Variants in FAP observed in about 807,000 individuals in gnomAD.
The protein encoded by FAP is prolyl endopeptidase FAP.
In FAP, 110 loss-of-function variants were observed where a neutral mutation model predicts 126.5. The ratio of observed to expected loss-of-function variants is 0.87; its 90% CI spans 0.74 to 1.02. The LOEUF is 1.02. FAP is among the 50% of genes least tolerant of loss of function. The pLI, the probability that FAP is intolerant of heterozygous loss-of-function variation, is 0.00. For missense variants in FAP, 919 were observed against 909.2 expected (o/e 1.01, Z -0.14); for synonymous variants, 334 against 297.3 (o/e 1.12, Z -1.27).
intron 5 of FAP, among the ~76,000 whole-genome samples, chr2:162,224,186 A>G (rs554203044): frequency 6.6e-6 from 1 of 152,324 alleles, no homozygotes; most frequent in African/African-American, 2.4e-5. Context: ...TATTTAGCTT[A>G]TAATTCTTCT....
At chr2:162,173,040 C>A in intron 24 of FAP, 109 bp downstream of exon 24, 2 of 1,158,390 alleles carry the variant, frequency 1.7e-6, no homozygotes. Context: ...ATGTCCCTGA[C>A]TCTTAGGTAC....
At chr2:162,180,305 C>T (rs977693734) in intron 21 of FAP, among the ~76,000 whole-genome samples, 44 of 152,132 alleles carry the variant, frequency 2.9e-4, no homozygotes, top group Non-Finnish European at 5.9e-5. Flanking sequence ...ACTTCATTAA[C>T]CACATTGGAG....
intron 16 of FAP, chr2:162,195,147 CT>C: frequency 4.9e-6 from 1 of 204,240 alleles, no homozygotes; most frequent in Admixed American, 5.4e-5. Flanking sequence ...TATTTTCAAT[CT>C]GGCTTCTTGG....
chr2:162,179,555 C>T (rs1318653675), intron 21 of FAP, among the ~76,000 whole-genome samples: 2 of 151,986 alleles, frequency 1.3e-5, no homozygotes, highest in Non-Finnish European at 2.9e-5. Flanking sequence ...AACTAACAGA[C>T]AGACAAGACA....
intron 15 of FAP, 107 bp downstream of exon 15, chr2:162,200,459 T>A: frequency 1.6e-6 from 1 of 639,222 alleles, no homozygotes; most frequent in Non-Finnish European, 2.7e-6. Flanking sequence ...TAAATGATTT[T>A]TATTATGTGC....
chr2:162,172,805 A>C lies in FAP; in HGVS notation c.2181+6T>G. The C allele has an allele frequency of 6.2e-7, 1 of 1,608,108 alleles. No individual in the cohort carries two copies. The highest frequency in any genetic ancestry group is 8.5e-7 in the Non-Finnish European group (1 of 1,174,902). On this transcript the variant is annotated splice_donor_region_variant and intron_variant, in intron 25 of 25. Transcript: ENST00000188790. ...CCATGAACATGAGTAAAACAAAATT[A>C]TGTACCATTGCCTGGAAATCCACTT...
At chr2:162,216,989 A>T (rs1341934179) in intron 9 of FAP, among the ~76,000 whole-genome samples, 1 of 152,170 alleles carries the variant, frequency 6.6e-6, no homozygotes, top group Non-Finnish European at 1.5e-5. Context: ...CCTCCCAAAG[A>T]TCTGAGTTCT....
At chr2:162,194,654 G>C (rs1688177162) in intron 17 of FAP, 47 bp downstream of exon 17, 1 of 1,562,208 alleles carries the variant, frequency 6.4e-7, no homozygotes, top group Non-Finnish European at 8.8e-7. Flanking sequence ...ATCACAGAGA[G>C]TTCAGGATTA....
intron 12 of FAP, among the ~76,000 whole-genome samples, chr2:162,207,030 G>A (rs746772252): frequency 1.3e-5 from 2 of 151,978 alleles, no homozygotes; most frequent in African/African-American, 2.4e-5. Flanking sequence ...ATACTAATAC[G>A]ACTAGCTTGT....
intron 17 of FAP, among the ~76,000 whole-genome samples, chr2:162,190,428 C>A (rs1281508198): frequency 6.6e-6 from 1 of 151,676 alleles, no homozygotes; most frequent in Admixed American, 6.6e-5. Flanking sequence ...ACACACTATG[C>A]TCTTTCTCTG....
At chr2:162,243,209 G>A (rs1690423560) in intron 1 of FAP, 113 bp downstream of exon 1, 2 of 902,756 alleles carry the variant, frequency 2.2e-6, no homozygotes, top group South Asian at 3.1e-5. Context: ...AACCCATTGA[G>A]GAAGTAAATA....
chr2:162,228,808 A>G (rs1002552160), intron 2 of FAP, among the ~76,000 whole-genome samples: 1 of 152,186 alleles, frequency 6.6e-6, no homozygotes, highest in Non-Finnish European at 1.5e-5. Context: ...ATTGCCAAGT[A>G]TTGTATTTAA....
chr2:162,210,052 A>G, intron 11 of FAP, 56 bp from the exon 12 acceptor site: 1 of 1,472,192 alleles, frequency 6.8e-7, no homozygotes, highest in Non-Finnish European at 9.5e-7. Context: ...TTTTTCCTAA[A>G]TGTAATCTGG....
At chr2:162,211,322 C>A (rs1312490783) in intron 11 of FAP, among the ~76,000 whole-genome samples, 3 of 152,160 alleles carry the variant, frequency 2.0e-5, no homozygotes, top group Admixed American at 6.5e-5. Context: ...CCACCATACC[C>A]CACTTACCTG....
At chr2:162,225,375 G>A in intron 4 of FAP, 108 bp downstream of exon 4, 2 of 1,420,356 alleles carry the variant, frequency 1.4e-6, no homozygotes, top group South Asian at 2.6e-5. Flanking sequence ...TATGGAGCTG[G>A]GAAGGCAAGT....
chr2:162,212,464 A>T (rs1263986061), intron 11 of FAP, among the ~76,000 whole-genome samples: 1 of 152,210 alleles, frequency 6.6e-6, no homozygotes, highest in East Asian at 1.9e-4. Context: ...TTTGTATATC[A>T]AAATATATAT....
chr2:162,223,598 G>A lies in FAP; in HGVS notation c.413+10C>T. The A allele has an allele frequency of 1.3e-6, 2 of 1,529,740 alleles. No homozygotes were observed. Among genetic ancestry groups the A allele is most frequent in the Non-Finnish European group, 1.8e-6 (2 of 1,103,834 alleles). The allele number at this position is 1,529,740 out of a possible 1,614,324, so 94.8% of individuals were successfully genotyped here. A position where few individuals can be genotyped will look rare whatever the true frequency, so the allele number is the denominator to read the frequency against. On this transcript the variant is annotated intron_variant, in intron 6 of 25. Transcript: ENST00000188790. ...GATTTAAGTAGTATTAATAAACAGA[G>A]GTGATTTACCCATTGCTAAGGTCAT...
At chr2:162,238,851 A>G (rs1690238872) in intron 2 of FAP, among the ~76,000 whole-genome samples, 1 of 152,200 alleles carries the variant, frequency 6.6e-6, no homozygotes, top group South Asian at 2.1e-4. Context: ...AATAACAACA[A>G]CAACGGATTT....
Position 162,221,744 on chromosome 2 carries a change from A to G in FAP, c.414-1819T>C, listed in dbSNP as rs555799168. ...TCTGAGTCACTAAAGGTATGAGAAA[A>G]GGCGAGGGAGGATGCTTTACAAAGG... On this transcript the variant is annotated intron_variant, in intron 6 of 25. Transcript: ENST00000188790. The G allele has an allele frequency of 8.8e-6, 4 of 456,674 alleles. No individual in the cohort carries two copies. In the East Asian group the frequency reaches 2.1e-4, roughly 24 times the overall value. The allele number at this position is 456,674 out of a possible 1,614,324, so 28.3% of individuals were successfully genotyped here.
Sources: gnomAD v4.1 joint callset for allele counts (sites outside exome capture counted in the v4.1 genomes callset) on GRCh38, gnomAD v4.1.1 for gene constraint, MANE v1.5 for transcripts, NCBI Gene and HGNC (gene_info 2026-07-23, HGNC 2026-07-21) for gene names.